The following MCPH1 variants were observed in gnomAD, a reference collection of about 807,000 sequenced individuals.
MCPH1 encodes the protein microcephalin.
In MCPH1, 104 loss-of-function variants were observed where a neutral mutation model predicts 84.5. The ratio of observed to expected loss-of-function variants is 1.23; its 90% confidence interval spans 1.05 to 1.45. MCPH1 has a LOEUF of 1.45. MCPH1 is among the 40% of genes most tolerant of loss of function. MCPH1 has a pLI of 0.00. For synonymous variants in MCPH1, 514 were observed against 366.8 expected (o/e 1.40, Z -4.58); for missense variants, 1,498 against 1,005.7 (o/e 1.49, Z -6.62).
At chr8:6,451,942 A>G (rs114123176) in intron 8 of MCPH1, among the ~76,000 whole-genome samples, 1,725 of 152,326 alleles carry the variant, frequency 0.011, 34 homozygotes, top group African/African-American at 0.039. Flanking sequence ...TGTTATTAAT[A>G]TTAGCATTGT....
At chr8:6,525,310 G>C (rs1373213649) in intron 12 of MCPH1, among the ~76,000 whole-genome samples, 1 of 152,136 alleles carries the variant, frequency 6.6e-6, no homozygotes, top group South Asian at 2.1e-4. Flanking sequence ...GCCCAGGTTG[G>C]TATCAAACTC....
chr8:6,461,289 C>T (rs529951253), intron 9 of MCPH1, among the ~76,000 whole-genome samples: 101 of 140,508 alleles, frequency 7.2e-4, no homozygotes, highest in South Asian at 2.5e-3. Context: ...TTTTTTTAGA[C>T]TTATTTTAAA....
At chr8:6,510,089 CG>C (rs978674604) in intron 12 of MCPH1, among the ~76,000 whole-genome samples, 17 of 152,052 alleles carry the variant, frequency 1.1e-4, no homozygotes, top group African/African-American at 4.1e-4. Context: ...CGGCTTACAT[CG>C]GTCATCTGTG....
intron 12 of MCPH1, among the ~76,000 whole-genome samples, chr8:6,536,023 C>G (rs1317803067): frequency 1.3e-5 from 2 of 151,982 alleles, no homozygotes; most frequent in East Asian, 1.9e-4. Context: ...TGCCACTGCA[C>G]TGCAGCTTGG....
At chr8:6,503,028 C>T (rs563347494) in intron 12 of MCPH1, 4 of 1,567,520 alleles carry the variant, frequency 2.6e-6, no homozygotes, top group Admixed American at 1.7e-5. Flanking sequence ...CAGTGCGCAG[C>T]CGTGACTTTC....
intron 13 of MCPH1, among the ~76,000 whole-genome samples, chr8:6,639,184 G>T (rs897500537): frequency 8.5e-5 from 13 of 152,272 alleles, no homozygotes; most frequent in Admixed American, 3.3e-4. Flanking sequence ...TGGTTGGATG[G>T]ATGGGTAGAC....
At chr8:6,546,221 A>C (rs1390410182) in intron 12 of MCPH1, among the ~76,000 whole-genome samples, 1 of 152,268 alleles carries the variant, frequency 6.6e-6, no homozygotes, top group Non-Finnish European at 1.5e-5. Flanking sequence ...TCCTTGCAGC[A>C]AACAAATTGG....
chr8:6,619,554 G>T (rs1451129803), intron 12 of MCPH1, among the ~76,000 whole-genome samples: 1 of 152,054 alleles, frequency 6.6e-6, no homozygotes, highest in Non-Finnish European at 1.5e-5. Flanking sequence ...GCCTCCCCAA[G>T]TGCTGGGATT....
chr8:6,622,803 G>C (rs1831601481), intron 13 of MCPH1, among the ~76,000 whole-genome samples: 1 of 152,102 alleles, frequency 6.6e-6, no homozygotes, highest in Admixed American at 6.6e-5. Context: ...ATACCAGTCA[G>C]ATTGGATTAG....
chr8:6,538,465 A>T (rs569740300), intron 12 of MCPH1, among the ~76,000 whole-genome samples: 5 of 152,164 alleles, frequency 3.3e-5, no homozygotes, highest in Admixed American at 1.3e-4. Context: ...GCCTGAGGAT[A>T]AGGTCCAGAT....
At chr8:6,601,522 GAC>G (rs144757663) in intron 12 of MCPH1, among the ~76,000 whole-genome samples, 75 of 143,990 alleles carry the variant, frequency 5.2e-4, no homozygotes, top group Non-Finnish European at 7.1e-4. Flanking sequence ...CATCATATGG[GAC>G]ACACACACAC....
intron 12 of MCPH1, among the ~76,000 whole-genome samples, chr8:6,535,235 C>T (rs1262135450): frequency 2.6e-5 from 4 of 152,286 alleles, no homozygotes; most frequent in Non-Finnish European, 5.9e-5. Flanking sequence ...CTGCCTTCCC[C>T]CATTTCTAGA....
intron 12 of MCPH1, among the ~76,000 whole-genome samples, chr8:6,533,196 TCTC>T (rs923789511): frequency 6.6e-6 from 1 of 152,236 alleles, no homozygotes; most frequent in African/African-American, 2.4e-5. Flanking sequence ...GGCTGGTTCT[TCTC>T]TCCCTCAGTT....
At chr8:6,632,547 T>G (rs115434122) in intron 13 of MCPH1, among the ~76,000 whole-genome samples, 4 of 152,208 alleles carry the variant, frequency 2.6e-5, no homozygotes, top group East Asian at 1.9e-4. Context: ...CAGTGACTCA[T>G]GCCTGTAATC....
chr8:6,479,186 G>A (rs1470059135), intron 10 of MCPH1, among the ~76,000 whole-genome samples: 1 of 152,056 alleles, frequency 6.6e-6, no homozygotes, highest in Non-Finnish European at 1.5e-5. Flanking sequence ...AGGATCACTT[G>A]AGCCCTGGAG....
intron 11 of MCPH1, among the ~76,000 whole-genome samples, chr8:6,496,039 C>G (rs1811183768): frequency 1.3e-5 from 2 of 152,122 alleles, no homozygotes; most frequent in South Asian, 2.1e-4. Context: ...TGGGATGATT[C>G]AAGCACATTA....
chr8:6,423,190 C>CTTTTTTTTTT (rs1165558274), intron 3 of MCPH1, among the ~76,000 whole-genome samples: 1 of 113,222 alleles, frequency 8.8e-6, no homozygotes, highest in African/African-American at 3.5e-5. Context: ...CTTTTCTTTT[C>CTTTTTTTTTT]TTTTTTTTTT....
chr8:6,625,239 T>G, intron 13 of MCPH1: 2 of 985,442 alleles, frequency 2.0e-6, no homozygotes, highest in Non-Finnish European at 2.4e-6. Context: ...AGCCTCCACC[T>G]TGCTTACCCC....
At chr8:6,580,684 A>G (rs779258695) in intron 12 of MCPH1, among the ~76,000 whole-genome samples, 1 of 152,166 alleles carries the variant, frequency 6.6e-6, no homozygotes. Context: ...AAAACAAAAA[A>G]AAACTCAGAG....
Sources: allele counts gnomAD v4.1 joint callset (sites outside exome capture counted in the v4.1 genomes callset), GRCh38; gene constraint gnomAD v4.1.1; transcripts MANE v1.5; gene names NCBI Gene and HGNC (gene_info 2026-07-23, HGNC 2026-07-21).